MAGI2: variants seen among roughly 807,000 people sequenced by gnomAD.
The protein encoded by MAGI2 is membrane-associated guanylate kinase, WW and PDZ domain-containing protein 2.
A neutral mutation model predicts 133.3 loss-of-function variants in MAGI2; 35 were observed. That is an observed-to-expected ratio of 0.26 (90% CI 0.20 to 0.35). The LOEUF is 0.35. Ranked by LOEUF, MAGI2 falls within the 10% of genes least tolerant of loss-of-function variation. The probability of loss-of-function intolerance (pLI) is 1.00; values close to 1 mark genes in which losing one functional copy is unlikely to be tolerated. For missense variants in MAGI2, 1,636 were observed against 1,863.4 expected (o/e 0.88, Z 2.25); for synonymous variants, 729 against 710.6 (o/e 1.03, Z -0.41).
intron 1 of MAGI2, among the ~76,000 whole-genome samples, chr7:79,231,872 A>G (rs978385516): frequency 2.6e-5 from 4 of 151,818 alleles, no homozygotes; most frequent in African/African-American, 9.7e-5. Flanking sequence ...GTCTTGTGCC[A>G]GTTTTCAAAG....
intron 2 of MAGI2, among the ~76,000 whole-genome samples, chr7:78,960,421 C>T (rs907591207): frequency 6.6e-6 from 1 of 152,054 alleles, no homozygotes; most frequent in African/African-American, 2.4e-5. Flanking sequence ...TGTCTCTCCC[C>T]AAGTCTGTTC....
chr7:78,516,090 C>A (rs1796017820), intron 4 of MAGI2, among the ~76,000 whole-genome samples: 1 of 151,990 alleles, frequency 6.6e-6, no homozygotes, highest in Admixed American at 6.5e-5. Flanking sequence ...ACAAGGGATT[C>A]CCAGGAAATA....
intron 1 of MAGI2, among the ~76,000 whole-genome samples, chr7:79,109,638 G>A (rs990294139): frequency 1.3e-5 from 2 of 152,210 alleles, no homozygotes; most frequent in African/African-American, 4.8e-5. Flanking sequence ...CCATGTGACA[G>A]AGAAAGAAAA....
At chr7:79,183,508 T>C (rs1826799237) in intron 1 of MAGI2, among the ~76,000 whole-genome samples, 1 of 151,872 alleles carries the variant, frequency 6.6e-6, no homozygotes, top group Admixed American at 6.6e-5. Context: ...TTTTTCAATA[T>C]TCTAGGTATC....
At chr7:78,888,030 C>T (rs1796408817) in intron 2 of MAGI2, among the ~76,000 whole-genome samples, 1 of 152,198 alleles carries the variant, frequency 6.6e-6, no homozygotes, top group Non-Finnish European at 1.5e-5. Flanking sequence ...CACTCTCACC[C>T]TAATACTGCA....
At chr7:78,506,878 T>A (rs1022436357) in intron 4 of MAGI2, among the ~76,000 whole-genome samples, 1 of 152,226 alleles carries the variant, frequency 6.6e-6, no homozygotes, top group Non-Finnish European at 1.5e-5. Flanking sequence ...TTCCTTCTAC[T>A]GTATAATACC....
intron 2 of MAGI2, among the ~76,000 whole-genome samples, chr7:78,663,547 T>G (rs564523858): frequency 1.3e-5 from 2 of 152,088 alleles, no homozygotes; most frequent in Non-Finnish European, 1.5e-5. Flanking sequence ...TTTTGCTGAA[T>G]AGTTGGAAAT....
intron 1 of MAGI2, among the ~76,000 whole-genome samples, chr7:79,067,909 A>G (rs1814532472): frequency 6.6e-6 from 1 of 152,128 alleles, no homozygotes; most frequent in South Asian, 2.1e-4. Flanking sequence ...GATTACATGT[A>G]TTGATTTGCA....
chr7:79,095,847 G>A (rs1172692790), intron 1 of MAGI2, among the ~76,000 whole-genome samples: 1 of 152,168 alleles, frequency 6.6e-6, no homozygotes, highest in African/African-American at 2.4e-5. Context: ...GACATGAAGT[G>A]AGTGAGCACA....
intron 1 of MAGI2, among the ~76,000 whole-genome samples, chr7:79,140,524 A>C (rs936516052): frequency 6.6e-6 from 1 of 152,182 alleles, no homozygotes; most frequent in Non-Finnish European, 1.5e-5. Context: ...ACTAGATACA[A>C]GAAGTCATTT....
chr7:78,363,855 G>A (rs911678076), intron 7 of MAGI2, among the ~76,000 whole-genome samples: 34 of 152,286 alleles, frequency 2.2e-4, no homozygotes, highest in African/African-American at 8.2e-4. Context: ...CTATAGCTCA[G>A]TTTCCTTACC....
intron 2 of MAGI2, among the ~76,000 whole-genome samples, chr7:78,833,046 G>C (rs1791328961): frequency 6.6e-6 from 1 of 152,152 alleles, no homozygotes; most frequent in Non-Finnish European, 1.5e-5. Context: ...TGCCTTCTGA[G>C]AATTTCTGGT....
chr7:78,847,120 T>C (rs1792687784), intron 2 of MAGI2, among the ~76,000 whole-genome samples: 1 of 152,060 alleles, frequency 6.6e-6, no homozygotes, highest in Admixed American at 6.6e-5. Context: ...TAACTCTCCT[T>C]ATAATTATCT....
At chr7:78,134,820 C>G in intron 17 of MAGI2, 1 of 544,842 alleles carries the variant, frequency 1.8e-6, no homozygotes, top group Non-Finnish European at 3.3e-6. Context: ...CTGAATGAAA[C>G]AGGTACTGAG....
chr7:78,930,060 T>C (rs1327284689), intron 2 of MAGI2, among the ~76,000 whole-genome samples: 2 of 152,102 alleles, frequency 1.3e-5, no homozygotes, highest in Non-Finnish European at 2.9e-5. Context: ...TCATTGTTAG[T>C]TCAATGAAAG....
intron 1 of MAGI2, among the ~76,000 whole-genome samples, chr7:79,297,525 AT>A (rs1170976619): frequency 6.6e-6 from 1 of 152,180 alleles, no homozygotes; most frequent in Non-Finnish European, 1.5e-5. Context: ...CTATTCATTC[AT>A]TTTATTAATA....
chr7:78,748,972 G>T (rs893481523), intron 2 of MAGI2, among the ~76,000 whole-genome samples: 2 of 152,176 alleles, frequency 1.3e-5, no homozygotes, highest in Non-Finnish European at 2.9e-5. Context: ...TACATACATG[G>T]AGTACTAAGT....
At chr7:79,258,550 G>A (rs116963291) in intron 1 of MAGI2, among the ~76,000 whole-genome samples, 1,611 of 152,290 alleles carry the variant, frequency 0.011, 15 homozygotes, top group Non-Finnish European at 0.017. Context: ...TTACTTTGGC[G>A]TAGGTAGTTT....
chr7:79,286,073 T>G (rs184695937), intron 1 of MAGI2, among the ~76,000 whole-genome samples: 134 of 152,112 alleles, frequency 8.8e-4, no homozygotes, highest in African/African-American at 3.1e-3. Flanking sequence ...CAACTACCTT[T>G]CCTGGAATGA....
Sources: allele counts gnomAD v4.1 joint callset (sites outside exome capture counted in the v4.1 genomes callset), GRCh38; gene constraint gnomAD v4.1.1; transcripts MANE v1.5; gene names NCBI Gene and HGNC (gene_info 2026-07-23, HGNC 2026-07-21).